The following MBOAT1 variants were observed in gnomAD, a reference collection of about 807,000 sequenced individuals.
The protein encoded by MBOAT1 is membrane-bound glycerophospholipid O-acyltransferase 1.
MBOAT1 carries 67 observed loss-of-function variants against 64.4 expected under a neutral mutation model. The observed-to-expected ratio is 1.04, with a 90% CI of 0.85 to 1.27. The LOEUF (loss-of-function observed/expected upper bound fraction) is 1.27, where lower values mean the gene tolerates loss of function less well. Ranked by LOEUF, MBOAT1 falls within the 50% of genes most tolerant of loss-of-function variation. The pLI is 0.00. For missense variants in MBOAT1, 563 were observed against 604.6 expected (o/e 0.93, Z 0.72); for synonymous variants, 229 against 218.9 (o/e 1.05, Z -0.41).
At chr6:20,136,337 C>T (rs1412549228) in intron 4 of MBOAT1, among the ~76,000 whole-genome samples, 1 of 152,168 alleles carries the variant, frequency 6.6e-6, no homozygotes, top group African/African-American at 2.4e-5. Flanking sequence ...CACTCAACAA[C>T]AAAATCACCA....
intron 1 of MBOAT1, 168 bp downstream of exon 1, chr6:20,211,968 A>AC (rs1331733598): frequency 9.3e-6 from 5 of 535,714 alleles, no homozygotes; most frequent in South Asian, 4.4e-5. Context: ...CAAGAAGGGA[A>AC]AACACACACA....
chr6:20,126,524 G>A lies in MBOAT1; in HGVS notation c.707C>T (p.Ser236Phe), dbSNP rs142255261. 2 of 1,607,322 alleles carry A rather than the reference G, an allele frequency of 1.2e-6. No homozygotes were observed. Among genetic ancestry groups the A allele is most frequent in the Non-Finnish European group, 1.7e-6 (2 of 1,178,478 alleles). Residue 236 changes from serine to phenylalanine, a missense_variant, in exon 7 of 13, where the codon TCT becomes TTT. Ser to Phe is a radical substitution (Grantham distance 155). Coordinates refer to ENST00000324607, the MANE Select transcript of MBOAT1 (RefSeq NM_001080480.3). Reference protein sequence around the residue: ...RKGFHSLPEPSPTGAVIHKLG... With the variant: ...RKGFHSLPEPFPTGAVIHKLG... ...TAGACACTAAAAACTTACTGTGGGA[G>A]AAGGTTCTGGCAAGCTGTGGAAACC...
At chr6:20,212,075 C>A in intron 1 of MBOAT1, 61 bp downstream of exon 1, 1 of 1,508,058 alleles carries the variant, frequency 6.6e-7, no homozygotes. Context: ...AACACTTTCG[C>A]CCGCCCCGTG....
At chr6:20,133,513 C>T (rs978224815) in intron 4 of MBOAT1, among the ~76,000 whole-genome samples, 1 of 152,128 alleles carries the variant, frequency 6.6e-6, no homozygotes, top group African/African-American at 2.4e-5. Context: ...CAAACACGGC[C>T]TTCAAAGCAC....
At chr6:20,186,652 A>G (rs1762663428) in intron 1 of MBOAT1, among the ~76,000 whole-genome samples, 1 of 152,226 alleles carries the variant, frequency 6.6e-6, no homozygotes, top group Admixed American at 6.5e-5. Context: ...AAGAAGTAGC[A>G]CATATGTGAA....
chr6:20,128,816 A>G lies in MBOAT1; in HGVS notation c.476-63T>C, dbSNP rs1435815097. ...AAGTGAATTAGATGACAAATTATAA[A>G]AGGGTCTTATCAAAGTCATTTGAAC... On this transcript the variant is annotated intron_variant, in intron 5 of 12. Transcript: ENST00000324607. 5 of 1,182,882 alleles carry G rather than the reference A, an allele frequency of 4.2e-6. No individual in the cohort carries two copies. In the African/African-American group the frequency reaches 7.6e-5, roughly 18 times the overall value. 73.3% of individuals were successfully genotyped at this position (1,182,882 alleles called of 1,614,324 possible).
At chr6:20,141,907 G>A (rs1172563080) in intron 4 of MBOAT1, among the ~76,000 whole-genome samples, 3 of 152,036 alleles carry the variant, frequency 2.0e-5, no homozygotes, top group African/African-American at 7.2e-5. Flanking sequence ...AGGCTCTCTG[G>A]TACCTCCACA....
At chr6:20,105,011 A>G (rs1012595016) in intron 12 of MBOAT1, among the ~76,000 whole-genome samples, 1 of 152,248 alleles carries the variant, frequency 6.6e-6, no homozygotes, top group African/African-American at 2.4e-5. Context: ...GCAAGTGACC[A>G]TCTAATCTAC....
intron 4 of MBOAT1, among the ~76,000 whole-genome samples, chr6:20,141,337 TTTTTC>T (rs1761164208): frequency 6.8e-6 from 1 of 146,620 alleles, no homozygotes; most frequent in Non-Finnish European, 1.5e-5. Context: ...TCATTCTCAT[TTTTTC>T]TTTTCTTTTT....
rs1431674862 is a variant in MBOAT1, at chr6:20,101,786, G to A, written c.*500C>T. On this transcript the variant is annotated 3_prime_UTR_variant, in exon 13 of 13. Transcript: ENST00000324607. Reference sequence around the variant, plus strand: ...TATAAAATATCAAAACCAATAACCTGGACATGGCCGATTAATCTGTACAAA... The same window carrying A: ...TATAAAATATCAAAACCAATAACCTAGACATGGCCGATTAATCTGTACAAA... Among the ~76,000 whole-genome samples the A allele has an allele frequency of 6.6e-6, 1 of 152,084 alleles. No homozygotes were observed. The highest frequency in any genetic ancestry group is 1.9e-4 in the East Asian group (1 of 5,176).
chr6:20,117,293 T>A (rs1760355495), intron 9 of MBOAT1, among the ~76,000 whole-genome samples: 1 of 152,174 alleles, frequency 6.6e-6, no homozygotes, highest in Non-Finnish European at 1.5e-5. Flanking sequence ...TCAATTAATA[T>A]CTGTTGAATC....
intron 4 of MBOAT1, 76 bp downstream of exon 4, chr6:20,144,144 C>G (rs1429296117): frequency 1.2e-5 from 11 of 916,238 alleles, no homozygotes; most frequent in Non-Finnish European, 1.9e-5. Flanking sequence ...TTTTGTGCAC[C>G]CTTGATGTTT....
intron 1 of MBOAT1, among the ~76,000 whole-genome samples, chr6:20,190,532 C>T (rs76548688): frequency 0.026 from 3,886 of 152,030 alleles, 168 homozygotes; most frequent in African/African-American, 0.087. Context: ...ACTGCTCTAC[C>T]ACTTGTTCTT....
intron 9 of MBOAT1, 103 bp downstream of exon 9, chr6:20,118,334 C>G: frequency 2.2e-6 from 2 of 898,064 alleles, no homozygotes; most frequent in South Asian, 2.9e-5. Context: ...CTGAGAGCAG[C>G]TTTTCTTTGG....
chr6:20,114,168 C>A (rs1412259653), intron 10 of MBOAT1, among the ~76,000 whole-genome samples: 1 of 152,180 alleles, frequency 6.6e-6, no homozygotes, highest in African/African-American at 2.4e-5. Context: ...CATGAGTTTA[C>A]TTTGGAGGAA....
At chr6:20,110,856 C>G (rs1226301444) in intron 11 of MBOAT1, among the ~76,000 whole-genome samples, 1 of 152,132 alleles carries the variant, frequency 6.6e-6, no homozygotes, top group Non-Finnish European at 1.5e-5. Flanking sequence ...CTATTATAAA[C>G]AATTATGTGA....
intron 4 of MBOAT1, among the ~76,000 whole-genome samples, chr6:20,140,769 A>C (rs1446052783): frequency 6.6e-6 from 1 of 152,202 alleles, no homozygotes; most frequent in Non-Finnish European, 1.5e-5. Flanking sequence ...AATTCCCATA[A>C]TAAATCCTCT....
chr6:20,122,913 C>G (rs1760535890), intron 8 of MBOAT1, among the ~76,000 whole-genome samples: 1 of 152,000 alleles, frequency 6.6e-6, no homozygotes, highest in Non-Finnish European at 1.5e-5. Flanking sequence ...CTTACAGCAA[C>G]CTCCACCTCC....
intron 7 of MBOAT1, among the ~76,000 whole-genome samples, chr6:20,125,177 G>A (rs998545282): frequency 1.3e-5 from 2 of 152,118 alleles, no homozygotes; most frequent in Non-Finnish European, 2.9e-5. Context: ...AAATTCCTCT[G>A]GACAGAGTGA....
Sources: allele counts gnomAD v4.1 joint callset (sites outside exome capture counted in the v4.1 genomes callset), GRCh38; gene constraint gnomAD v4.1.1; transcripts MANE v1.5; gene names NCBI Gene and HGNC (gene_info 2026-07-23, HGNC 2026-07-21).